Variants in CLDN18 observed in about 807,000 individuals in gnomAD.
The protein encoded by CLDN18 is claudin 18.
A neutral mutation model predicts 25.0 loss-of-function variants in CLDN18; 20 were observed. The observed-to-expected ratio is 0.80, with a 90% CI of 0.56 to 1.16. The LOEUF (loss-of-function observed/expected upper bound fraction) is 1.16, where lower values mean the gene tolerates loss of function less well. Ranked by LOEUF, CLDN18 falls within the 50% of genes most tolerant of loss-of-function variation. The probability of loss-of-function intolerance (pLI) is 0.00; values close to 1 mark genes in which losing one functional copy is unlikely to be tolerated. For missense variants in CLDN18, 297 were observed against 345.4 expected (o/e 0.86, Z 1.11); for synonymous variants, 125 against 135.6 (o/e 0.92, Z 0.54).
chr3:138,006,999 T>G (rs1486374274), upstream of CLDN18, among the ~76,000 whole-genome samples: 2 of 152,164 alleles, frequency 1.3e-5, no homozygotes, highest in Non-Finnish European at 2.9e-5. Context: ...TTGCCATAGA[T>G]GAAAAATAGA....
intron 1 of CLDN18, among the ~76,000 whole-genome samples, chr3:138,013,906 A>C (rs1298549719): frequency 1.3e-5 from 2 of 151,900 alleles, no homozygotes; most frequent in African/African-American, 4.8e-5. Context: ...GCCTGGAATC[A>C]GGAAAGAGGA....
intron 3 of CLDN18, among the ~76,000 whole-genome samples, chr3:138,027,883 C>G (rs1373594963): frequency 1.3e-5 from 2 of 152,150 alleles, no homozygotes; most frequent in Non-Finnish European, 2.9e-5. Context: ...GGGGGCAGGG[C>G]TCTTCATGCC....
At chr3:138,026,417 G>A (rs1233435846) in intron 3 of CLDN18, among the ~76,000 whole-genome samples, 1 of 152,238 alleles carries the variant, frequency 6.6e-6, no homozygotes, top group South Asian at 2.1e-4. Flanking sequence ...GGAGGCCAAG[G>A]TGGGTGGATC....
chr3:138,006,140 A>G (rs1414905022), upstream of CLDN18, among the ~76,000 whole-genome samples: 4 of 152,208 alleles, frequency 2.6e-5, no homozygotes, highest in Non-Finnish European at 4.4e-5. Flanking sequence ...ATTTGTTCAA[A>G]TTCTCTCCAA....
chr3:138,003,466 A>G (rs1942038977), intron 1 of CLDN18, among the ~76,000 whole-genome samples: 1 of 152,216 alleles, frequency 6.6e-6, no homozygotes, highest in Non-Finnish European at 1.5e-5. Flanking sequence ...GTGGCACGAG[A>G]GAATGTACTA....
At chr3:138,007,008 G>T (rs140830719), upstream of CLDN18, among the ~76,000 whole-genome samples, 11 of 152,248 alleles carry the variant, frequency 7.2e-5, no homozygotes, top group East Asian at 2.1e-3. Context: ...ATGAAAAATA[G>T]ATAACTTTAA....
At chr3:138,018,462 A>G (rs1220506854) in intron 1 of CLDN18, among the ~76,000 whole-genome samples, 4 of 148,006 alleles carry the variant, frequency 2.7e-5, no homozygotes, top group East Asian at 2.0e-4. Context: ...TCAGCCTCCC[A>G]AGTAGCTGGG....
Position 138,031,166 on chromosome 3 carries a change from C to T in CLDN18, c.*25C>T, listed in dbSNP as rs199985015. On this transcript the variant is annotated 3_prime_UTR_variant, in exon 5 of 5. Coordinates refer to ENST00000183605, the MANE Select transcript of CLDN18 (RefSeq NM_016369.4). ...ATGCTCTAAGACCTCTCAGCACGGG[C>T]GGAAGAAACTCCCGGAGAGCTCACC... is the stretch of plus-strand genomic sequence containing the variant. 32 of 1,562,134 alleles carry T rather than the reference C, an allele frequency of 2.0e-5. No individual in the cohort carries two copies. The highest frequency in any genetic ancestry group is 1.4e-4 in the Admixed American group (8 of 56,374).
At chr3:138,006,901 A>G (rs2107876209), upstream of CLDN18, among the ~76,000 whole-genome samples, 1 of 152,352 alleles carries the variant, frequency 6.6e-6, no homozygotes, top group African/African-American at 2.4e-5. Flanking sequence ...CCAAGAAAGA[A>G]AATTTAATTC....
intron 1 of CLDN18, among the ~76,000 whole-genome samples, chr3:138,001,767 G>A (rs1415214584): frequency 6.6e-6 from 1 of 152,098 alleles, no homozygotes; most frequent in Non-Finnish European, 1.5e-5. Context: ...AAAAATTCTT[G>A]CATACCATCA....
chr3:138,029,724 C>T, intron 3 of CLDN18, 73 bp from the exon 4 acceptor site: 1 of 885,418 alleles, frequency 1.1e-6, no homozygotes. Flanking sequence ...AAAGAACAGG[C>T]ACAGCCAGGT....
At chr3:138,028,292 C>T (rs1457816890) in intron 3 of CLDN18, among the ~76,000 whole-genome samples, 1 of 152,076 alleles carries the variant, frequency 6.6e-6, no homozygotes, top group Non-Finnish European at 1.5e-5. Flanking sequence ...CTCAAACTCC[C>T]TACCTCAGGC....
chr3:138,016,722 T>C (rs1369495440), intron 1 of CLDN18, among the ~76,000 whole-genome samples: 1 of 152,160 alleles, frequency 6.6e-6, no homozygotes, highest in African/African-American at 2.4e-5. Context: ...GGACCTCACT[T>C]TCCCCATTTG....
chr3:138,006,100 T>C (rs1179379254), upstream of CLDN18, among the ~76,000 whole-genome samples: 2 of 152,202 alleles, frequency 1.3e-5, no homozygotes, highest in Admixed American at 6.5e-5. Context: ...GTATGCCAAA[T>C]ATTTTGTCTA....
At chr3:138,007,933 T>C (rs1335625840), upstream of CLDN18, among the ~76,000 whole-genome samples, 1 of 152,160 alleles carries the variant, frequency 6.6e-6, no homozygotes, top group Non-Finnish European at 1.5e-5. Flanking sequence ...TCCTTCACTG[T>C]AGATCATGTA....
At chr3:138,000,114 C>T (rs1006349451) in intron 1 of CLDN18, among the ~76,000 whole-genome samples, 2 of 152,120 alleles carry the variant, frequency 1.3e-5, no homozygotes, top group Non-Finnish European at 2.9e-5. Flanking sequence ...TTGAATCATA[C>T]GGTGATTTAT....
Position 137,999,181 on chromosome 3 carries a change from G to A in CLDN18, c.220+93G>A, listed in dbSNP as rs547764858. 3,123 of 1,143,256 alleles carry A rather than the reference G, an allele frequency of 2.7e-3. 7 individuals are homozygous for A. Among genetic ancestry groups the A allele is most frequent in the Non-Finnish European group, 3.3e-3 (2,559 of 769,732 alleles). The allele number at this position is 1,143,256 out of a possible 1,614,324, so 70.8% of individuals were successfully genotyped here. A position where few individuals can be genotyped will look rare whatever the true frequency, so the allele number is the denominator to read the frequency against. ...CTGGGCACCACGACAGGGACTGCTG[G>A]GGAGGGAGGAACTGCGATTCGTGTT... On this transcript the variant is annotated intron_variant, in intron 1 of 4. Coordinates refer to the CLDN18 transcript ENST00000343735.
chr3:138,016,400 T>C (rs1348801589), intron 1 of CLDN18, among the ~76,000 whole-genome samples: 5 of 152,124 alleles, frequency 3.3e-5, no homozygotes, highest in Non-Finnish European at 2.9e-5. Flanking sequence ...AACAATATAA[T>C]CAATGATGTG....
In CLDN18 at chr3:138,031,240, A is replaced by T; in HGVS notation, c.*99A>T. On this transcript the variant is annotated 3_prime_UTR_variant, in exon 5 of 5. Coordinates refer to ENST00000183605, the MANE Select transcript of CLDN18 (RefSeq NM_016369.4). ...AGATTTCTTCTTGCTTTTGACTCAC[A>T]GCTGGAAGTTAGAAAAGCCTCGATT... is the stretch of plus-strand genomic sequence containing the variant. The T allele has an allele frequency of 8.8e-7, 1 of 1,136,206 alleles. No homozygotes were observed. Among genetic ancestry groups the T allele is most frequent in the East Asian group, 2.5e-5 (1 of 40,468 alleles). 70.4% of individuals were successfully genotyped at this position (1,136,206 alleles called of 1,614,324 possible).
Sources: gnomAD v4.1 joint callset for allele counts (sites outside exome capture counted in the v4.1 genomes callset) on GRCh38, gnomAD v4.1.1 for gene constraint, MANE v1.5 for transcripts, NCBI Gene and HGNC (gene_info 2026-07-23, HGNC 2026-07-21) for gene names.